Variants in PRDM5 observed in about 807,000 individuals in gnomAD.
PRDM5 encodes PR domain zinc finger protein 5.
PRDM5 carries 56 observed loss-of-function variants against 81.2 expected under a neutral mutation model. The ratio of observed to expected loss-of-function variants is 0.69; its 90% CI spans 0.56 to 0.86. PRDM5 has a LOEUF of 0.86. Ranked by LOEUF, PRDM5 falls within the 40% of genes least tolerant of loss-of-function variation. PRDM5 has a pLI of 0.00. For missense variants in PRDM5, 697 were observed against 770.1 expected (o/e 0.91, Z 1.12); for synonymous variants, 267 against 256.4 (o/e 1.04, Z -0.39).
intron 14 of PRDM5, among the ~76,000 whole-genome samples, chr4:120,750,183 T>C (rs1396497610): frequency 6.6e-6 from 1 of 152,218 alleles, no homozygotes; most frequent in Non-Finnish European, 1.5e-5. Flanking sequence ...ACACTGCCGC[T>C]GACCCTGAGT....
rs752814494 is a variant in PRDM5 at position 120,887,103 on chromosome 4, G to A, written c.177+20371C>T. ...TGGGACTACAGGCGCCCGCCACCAC[G>A]CCTGGCTAATTTTTGTATTTTTAGT... is the stretch of plus-strand genomic sequence containing the variant. On this transcript the variant is annotated intron_variant, in intron 2 of 15. Coordinates refer to ENST00000264808, the MANE Select transcript of PRDM5 (RefSeq NM_018699.4). 2.0e-5 allele frequency among the ~76,000 whole-genome samples: 3 copies of A among 151,938 alleles called. No homozygotes were observed. The South Asian group carries it at 6.2e-4, about 32-fold the overall frequency.
intron 2 of PRDM5, among the ~76,000 whole-genome samples, chr4:120,879,331 T>G (rs1289664497): frequency 6.6e-6 from 1 of 152,176 alleles, no homozygotes; most frequent in African/African-American, 2.4e-5. Context: ...GATTGACCCT[T>G]GAATAACACA....
chr4:120,689,506 A>G (rs541103271), downstream of PRDM5, among the ~76,000 whole-genome samples: 2 of 152,266 alleles, frequency 1.3e-5, no homozygotes, highest in East Asian at 3.9e-4. Flanking sequence ...TTTTGATTAG[A>G]AGTAAGGTCT....
chr4:120,850,809 C>T (rs1759175577), intron 3 of PRDM5, among the ~76,000 whole-genome samples: 1 of 152,084 alleles, frequency 6.6e-6, no homozygotes, highest in Non-Finnish European at 1.5e-5. Context: ...GGAAAAAACA[C>T]AGTTGATATA....
chr4:120,823,320 A>C (rs1755535315), intron 3 of PRDM5, among the ~76,000 whole-genome samples: 2 of 152,284 alleles, frequency 1.3e-5, no homozygotes, highest in South Asian at 2.1e-4. Context: ...AATAAAAGAA[A>C]ATTTTCATAT....
intron 14 of PRDM5, among the ~76,000 whole-genome samples, chr4:120,733,892 T>TAAAAAAAAA (rs60786051): frequency 7.6e-6 from 1 of 132,294 alleles, no homozygotes; most frequent in African/African-American, 2.8e-5. Flanking sequence ...GACACAAAAG[T>TAAAAAAAAA]AAAAAAAAAA....
At chr4:120,901,130 T>C (rs112208800) in intron 2 of PRDM5, among the ~76,000 whole-genome samples, 3,355 of 152,252 alleles carry the variant, frequency 0.022, 127 homozygotes, top group African/African-American at 0.075. Flanking sequence ...TGGTTTTTGG[T>C]TACATGGATG....
chr4:120,799,514 A>AACTTGTTCAGAATC, intron 9 of PRDM5, 147 bp downstream of exon 9: 1 of 1,279,512 alleles, frequency 7.8e-7, no homozygotes, highest in Non-Finnish European at 1.1e-6. Context: ...AGAATTAAAT[A>AACTTGTTCAGAATC]ACTTGTTCAG....
At chr4:120,753,766 G>T (rs1333648738) in intron 14 of PRDM5, among the ~76,000 whole-genome samples, 3 of 151,728 alleles carry the variant, frequency 2.0e-5, no homozygotes, top group Non-Finnish European at 4.4e-5. Context: ...AAACTGAAAA[G>T]AAACTGTGAA....
chr4:120,840,710 C>T (rs757811157), intron 3 of PRDM5, among the ~76,000 whole-genome samples: 2 of 152,162 alleles, frequency 1.3e-5, no homozygotes, highest in Non-Finnish European at 2.9e-5. Flanking sequence ...TCACAGGTCA[C>T]GACTCTGCCC....
chr4:120,908,462 T>C (rs936564440), intron 1 of PRDM5, among the ~76,000 whole-genome samples: 1 of 152,170 alleles, frequency 6.6e-6, no homozygotes, highest in African/African-American at 2.4e-5. Flanking sequence ...ATGAACATTG[T>C]AAGGAGAAAA....
chr4:120,772,975 T>C (rs886280518), intron 13 of PRDM5, among the ~76,000 whole-genome samples: 10 of 152,246 alleles, frequency 6.6e-5, no homozygotes, highest in Admixed American at 2.0e-4. Flanking sequence ...TACATATAAA[T>C]GGCAGTTTCA....
chr4:120,858,692 C>T (rs1760197116), intron 2 of PRDM5, among the ~76,000 whole-genome samples: 1 of 152,134 alleles, frequency 6.6e-6, no homozygotes, highest in Non-Finnish European at 1.5e-5. Context: ...AATCCTAACC[C>T]ATGGATTCCT....
intron 1 of PRDM5, among the ~76,000 whole-genome samples, chr4:120,922,136 G>A (rs1394073007): frequency 6.6e-6 from 1 of 152,224 alleles, no homozygotes; most frequent in Admixed American, 6.5e-5. Context: ...CCGCCCACGC[G>A]TGCCTTCGCC....
At chr4:120,767,805 G>T (rs1174290274) in intron 13 of PRDM5, among the ~76,000 whole-genome samples, 1 of 152,294 alleles carries the variant, frequency 6.6e-6, no homozygotes, top group Admixed American at 6.5e-5. Context: ...GACCCGGTGG[G>T]AAATAATTGA....
rs960973020 is a variant in PRDM5 at position 120,772,793 on chromosome 4, G to A, written c.1537+4395C>T. ...GGGAATCACCAAGACTCTTTACAACGTCTGCAAGGTCAAAACTACTTTCAT... is the reference window on the plus strand; with the variant it reads ...GGGAATCACCAAGACTCTTTACAACATCTGCAAGGTCAAAACTACTTTCAT... On this transcript the variant is annotated intron_variant, in intron 13 of 15. Coordinates refer to ENST00000264808, the MANE Select transcript of PRDM5 (RefSeq NM_018699.4). Among the ~76,000 whole-genome samples, 16 of 152,060 alleles carry A rather than the reference G, an allele frequency of 1.1e-4. 1 individual carries two copies. The highest frequency in any genetic ancestry group is 9.2e-4 in the Admixed American group (14 of 15,262).
chr4:120,717,556 A>T (rs1737972960), intron 14 of PRDM5, among the ~76,000 whole-genome samples: 1 of 152,256 alleles, frequency 6.6e-6, no homozygotes, highest in African/African-American at 2.4e-5. Context: ...TACAGAAACA[A>T]AGTTAAATTT....
chr4:120,838,139 A>C (rs1757575911), intron 3 of PRDM5: 1 of 152,002 alleles, frequency 6.6e-6, no homozygotes, highest in African/African-American at 2.4e-5. Context: ...GAAAGCCCAT[A>C]CTCCAGTTTT....
Position 120,693,323 on chromosome 4 carries a change from C to A in PRDM5, c.*1788G>T, listed in dbSNP as rs1455845283. 6.6e-6 allele frequency: 1 copy of A among 152,078 alleles called. No individual in the cohort carries two copies. Among genetic ancestry groups the A allele is most frequent in the Non-Finnish European group, 1.5e-5 (1 of 67,980 alleles). The allele number at this position is 152,078 out of a possible 1,614,324, so 9.4% of individuals were successfully genotyped here. ...ATACAGGATGTGCTTAAATAATACACACTATCAAATTTTACAGCTGTCTTT... is the reference window on the plus strand; with the variant it reads ...ATACAGGATGTGCTTAAATAATACAAACTATCAAATTTTACAGCTGTCTTT... On this transcript the variant is annotated 3_prime_UTR_variant, in exon 16 of 16. Transcript: ENST00000264808.
Sources: gnomAD v4.1 joint callset for allele counts (sites outside exome capture counted in the v4.1 genomes callset) on GRCh38, gnomAD v4.1.1 for gene constraint, MANE v1.5 for transcripts, NCBI Gene and HGNC (gene_info 2026-07-23, HGNC 2026-07-21) for gene names.